The following ATRNL1 variants were observed in gnomAD, a reference collection of about 807,000 sequenced individuals.
ATRNL1 encodes the protein attractin like 1.
In ATRNL1, 95 loss-of-function variants were observed where a neutral mutation model predicts 182.7. The observed-to-expected ratio is 0.52, with a 90% CI of 0.44 to 0.62. The LOEUF is 0.62. Ranked by LOEUF, ATRNL1 falls within the 20% of genes least tolerant of loss-of-function variation. The pLI, the probability that ATRNL1 is intolerant of heterozygous loss-of-function variation, is 0.00. For missense variants in ATRNL1, 1,471 were observed against 1,679.5 expected, an observed-to-expected ratio of 0.88 and a Z score of 2.17; for synonymous variants, 576 against 568.3, an observed-to-expected ratio of 1.01 and a Z score of -0.19.
chr10:115,096,785 T>G, intron 1 of ATRNL1: 1 of 1,238,904 alleles, frequency 8.1e-7, no homozygotes, highest in South Asian at 1.4e-5. Context: ...GTCTTCTGTT[T>G]CCATTTGAAA....
intron 3 of ATRNL1, among the ~76,000 whole-genome samples, chr10:115,125,761 C>A (rs1406960569): frequency 6.6e-6 from 1 of 152,132 alleles, no homozygotes; most frequent in East Asian, 1.9e-4. Context: ...AACGTGAAGG[C>A]CTTGTGTTTC....
intron 28 of ATRNL1, among the ~76,000 whole-genome samples, chr10:115,932,968 G>A (rs888697657): frequency 1.3e-5 from 2 of 152,120 alleles, no homozygotes; most frequent in Non-Finnish European, 2.9e-5. Context: ...ATAATTTCTT[G>A]TAAACAGGTA....
At chr10:115,400,754 G>A (rs568175968) in intron 20 of ATRNL1, among the ~76,000 whole-genome samples, 1 of 152,078 alleles carries the variant, frequency 6.6e-6, no homozygotes, top group East Asian at 1.9e-4. Flanking sequence ...CAGAAACTAG[G>A]ATTACAACTC....
At chr10:115,748,121 A>G (rs1416279233) in intron 27 of ATRNL1, among the ~76,000 whole-genome samples, 1 of 151,994 alleles carries the variant, frequency 6.6e-6, no homozygotes, top group Admixed American at 6.6e-5. Flanking sequence ...CAGTGGTTGT[A>G]TCTACTGGCC....
chr10:115,097,207 G>A (rs1297579895), intron 1 of ATRNL1, among the ~76,000 whole-genome samples: 1 of 152,078 alleles, frequency 6.6e-6, no homozygotes, highest in Non-Finnish European at 1.5e-5. Context: ...AAGTATGCTG[G>A]GTGCCGTGGC....
chr10:115,380,905 G>C (rs1554950878), intron 19 of ATRNL1, among the ~76,000 whole-genome samples: 1 of 152,138 alleles, frequency 6.6e-6, no homozygotes, highest in Non-Finnish European at 1.5e-5. Flanking sequence ...TATATTTCTA[G>C]AAGTAGATTT....
At chr10:115,137,339 A>T (rs1332006765) in intron 5 of ATRNL1, among the ~76,000 whole-genome samples, 1 of 152,244 alleles carries the variant, frequency 6.6e-6, no homozygotes, top group African/African-American at 2.4e-5. Context: ...TCATTGTAAT[A>T]GAATTCTCAT....
At chr10:115,927,217 C>A (rs955119406) in intron 28 of ATRNL1, among the ~76,000 whole-genome samples, 8 of 152,086 alleles carry the variant, frequency 5.3e-5, no homozygotes, top group Non-Finnish European at 1.2e-4. Flanking sequence ...ATTCAACATC[C>A]CTTCATGTTA....
intron 28 of ATRNL1, among the ~76,000 whole-genome samples, chr10:115,932,921 A>G: frequency 6.6e-6 from 1 of 152,196 alleles, no homozygotes; most frequent in Non-Finnish European, 1.5e-5. Flanking sequence ...TATGTGCATC[A>G]CTACCCAACA....
chr10:115,412,158 TC>T (rs1293921928), intron 20 of ATRNL1, among the ~76,000 whole-genome samples: 16 of 152,198 alleles, frequency 1.1e-4, no homozygotes, highest in Non-Finnish European at 1.8e-4. Context: ...AGTGATTTTT[TC>T]TTTTGCTGGC....
intron 28 of ATRNL1, among the ~76,000 whole-genome samples, chr10:115,909,061 G>A (rs1432671036): frequency 1.3e-5 from 2 of 152,006 alleles, no homozygotes; most frequent in Non-Finnish European, 2.9e-5. Flanking sequence ...ATATTCTTTA[G>A]AGAATTGCCA....
chr10:115,110,479 CT>C (rs1844210090), intron 1 of ATRNL1, among the ~76,000 whole-genome samples: 1 of 152,178 alleles, frequency 6.6e-6, no homozygotes, highest in African/African-American at 2.4e-5. Context: ...ATTCATATAA[CT>C]GGAATGAACT....
intron 26 of ATRNL1, among the ~76,000 whole-genome samples, chr10:115,649,149 T>C (rs1190851232): frequency 6.6e-6 from 1 of 152,204 alleles, no homozygotes; most frequent in African/African-American, 2.4e-5. Context: ...TTTTATTTAT[T>C]TGTCGCTTTA....
chr10:115,377,159 CCCAAATCTCATCT>C, intron 19 of ATRNL1, among the ~76,000 whole-genome samples: 1 of 152,218 alleles, frequency 6.6e-6, no homozygotes, highest in East Asian at 1.9e-4. Flanking sequence ...TGTGTCCCTA[CCCAAATCTCATCT>C]TAAATTGTAG....
At chr10:115,810,407 G>A (rs1950020667) in intron 27 of ATRNL1, among the ~76,000 whole-genome samples, 3 of 151,902 alleles carry the variant, frequency 2.0e-5, no homozygotes, top group Admixed American at 2.0e-4. Context: ...CACTGAAGCT[G>A]CCTAGTCCTT....
At chr10:115,901,428 G>A (rs1952348275) in intron 28 of ATRNL1, among the ~76,000 whole-genome samples, 2 of 152,104 alleles carry the variant, frequency 1.3e-5, no homozygotes, top group Admixed American at 1.3e-4. Context: ...ATTCTTAAGG[G>A]CCTATTTAAG....
intron 21 of ATRNL1, among the ~76,000 whole-genome samples, chr10:115,446,146 C>A (rs1846974769): frequency 6.6e-6 from 1 of 151,748 alleles, no homozygotes; most frequent in Non-Finnish European, 1.5e-5. Flanking sequence ...ATATGTGCTA[C>A]CCTTCAACTC....
chr10:115,892,160 A>C (rs1555111422), intron 28 of ATRNL1, among the ~76,000 whole-genome samples: 1 of 152,176 alleles, frequency 6.6e-6, no homozygotes, highest in East Asian at 1.9e-4. Context: ...TTCTCGCCTC[A>C]GAAAGATATT....
At chr10:115,329,530 C>T (rs1388821683) in intron 18 of ATRNL1, among the ~76,000 whole-genome samples, 4 of 152,058 alleles carry the variant, frequency 2.6e-5, no homozygotes, top group African/African-American at 9.7e-5. Context: ...CCCTTTGGAT[C>T]TATTAATGTT....
Sources: allele counts gnomAD v4.1 joint callset (sites outside exome capture counted in the v4.1 genomes callset), GRCh38; gene constraint gnomAD v4.1.1; transcripts MANE v1.5; gene names NCBI Gene and HGNC (gene_info 2026-07-23, HGNC 2026-07-21).